BCL9: variants seen among roughly 807,000 people sequenced by gnomAD.
BCL9 encodes the protein B-cell CLL/lymphoma 9 protein.
A neutral mutation model predicts 88.5 loss-of-function variants in BCL9; 25 were observed. The observed-to-expected ratio is 0.28, with a 90% CI of 0.21 to 0.39. BCL9 has a LOEUF of 0.39. Ranked by LOEUF, BCL9 falls within the 10% of genes least tolerant of loss-of-function variation. BCL9 has a pLI of 1.00. For synonymous variants in BCL9, 711 were observed against 673.3 expected (o/e 1.06, Z -0.87); for missense variants, 1,817 against 1,877.8 (o/e 0.97, Z 0.60).
chr1:147,615,726 T>C lies in BCL9; in HGVS notation c.561-77T>C, dbSNP rs587650039. 35 of 1,129,298 alleles carry C rather than the reference T, an allele frequency of 3.1e-5. No homozygotes were observed. In the African/African-American group the frequency reaches 4.7e-4, roughly 15 times the overall value. The allele number at this position is 1,129,298 out of a possible 1,614,324, so 70.0% of individuals were successfully genotyped here. ...TCCTCTCCCTTACAAGTTTATTGTG[T>C]GGTTAAAGTGCTTTGGAATTACAGT... is the stretch of plus-strand genomic sequence containing the variant. On this transcript the variant is annotated intron_variant, in intron 6 of 9. Coordinates refer to ENST00000234739, the MANE Select transcript of BCL9 (RefSeq NM_004326.4).
In BCL9 at chr1:147,624,741, G is replaced by T. The variant is rs781895985; in HGVS notation, c.4063G>T (p.Val1355Leu). The change falls in exon 10 of 10, where the codon GTG becomes TTG. Residue 1355 changes from valine to leucine, a missense_variant. Around this residue, in one of 2 missense-constraint regions of BCL9, gnomAD observed 589 missense variants for 686.2 expected, o/e 0.86. Transcript: ENST00000234739. The surrounding 1 kb of genome is among the most constrained non-coding windows in gnomAD (Gnocchi z 4.4). ...CCTGATGAGCAATCCAGCTGCTGCC[G>T]TGGGCATGATTCCTGGCAAGGATCG... Reference protein sequence around the residue: ...PTLMSNPAAAVGMIPGKDRGP... With the variant: ...PTLMSNPAAALGMIPGKDRGP... The T allele has an allele frequency of 6.2e-7, 1 of 1,614,160 alleles. No homozygotes were observed. Among genetic ancestry groups the T allele is most frequent in the South Asian group, 1.1e-5 (1 of 91,086 alleles).
chr1:147,599,633 G>A (rs1286903068), intron 1 of BCL9, among the ~76,000 whole-genome samples: 4 of 152,212 alleles, frequency 2.6e-5, no homozygotes, highest in Non-Finnish European at 2.9e-5. Context: ...AGGCTCTGGA[G>A]TTGGGGACTA....
chr1:147,610,792 T>G (rs1553202506), intron 3 of BCL9, among the ~76,000 whole-genome samples: 1 of 152,224 alleles, frequency 6.6e-6, no homozygotes, highest in African/African-American at 2.4e-5. Context: ...CTAGCTAGGT[T>G]TGGGAATATT....
In BCL9 at chr1:147,619,763, T is replaced by G; in HGVS notation, c.1608T>G (p.Asp536Glu). 6.2e-7 allele frequency: 1 copy of G among 1,614,018 alleles called. No individual in the cohort carries two copies. Among genetic ancestry groups the G allele is most frequent in the Non-Finnish European group, 8.5e-7 (1 of 1,180,004 alleles). The change falls in exon 8 of 10, where the codon GAT (aspartate) becomes GAG (glutamate). Residue 536 changes from aspartate (D) to glutamate (E), a missense_variant. Around this residue, in one of 2 missense-constraint regions of BCL9, gnomAD observed 1,228 missense variants for 1,191.6 expected, o/e 1.03. Transcript: ENST00000234739. This position sits in a 1 kb window ranked among gnomAD's most constrained non-coding sequence, Gnocchi z 4.1. ...WAPGGTEPFS[D>E]GINMPHSLPP... is the part of the protein sequence containing the mutation. ...CTGGGGGTACAGAGCCATTTTCTGA[T>G]GGTATCAACATGCCACATTCTCTGC...
At chr1:147,571,420 AGAG>A (rs1553197401) in intron 1 of BCL9, among the ~76,000 whole-genome samples, 13 of 152,098 alleles carry the variant, frequency 8.5e-5, no homozygotes, top group Non-Finnish European at 1.2e-4. Context: ...GACATAGGCA[AGAG>A]TGGTTTCAGG....
chr1:147,560,319 G>A (rs587595227), intron 1 of BCL9, among the ~76,000 whole-genome samples: 12 of 152,226 alleles, frequency 7.9e-5, no homozygotes, highest in Admixed American at 7.2e-4. Context: ...GCCGGGCGCG[G>A]TGGCTCACAC....
chr1:147,600,821 G>T (rs1468926205), intron 1 of BCL9, among the ~76,000 whole-genome samples: 1 of 152,006 alleles, frequency 6.6e-6, no homozygotes, highest in Non-Finnish European at 1.5e-5. Context: ...AAGAATGTGT[G>T]AGTAGTTAAG....
chr1:147,619,826 G>A lies in BCL9; in HGVS notation c.1671G>A (p.Gly557=). The A allele has an allele frequency of 6.2e-7, 1 of 1,614,196 alleles. No individual in the cohort carries two copies. The highest frequency in any genetic ancestry group is 8.5e-7 in the Non-Finnish European group (1 of 1,180,038). The change falls in exon 8 of 10, where the codon GGG becomes GGA. Residue 557 remains glycine (G), a synonymous_variant. Transcript: ENST00000234739. The surrounding 1 kb of genome is among the most constrained non-coding windows in gnomAD (Gnocchi z 4.1). ...TGGCTCCCCACCCCAACATGCCAGG[G>A]AGCCAGATGCGCCTCCCTGGATTTG... ...RGMAPHPNMP[G]SQMRLPGFAG...
At chr1:147,569,545 G>A (rs1454286898) in intron 1 of BCL9, among the ~76,000 whole-genome samples, 2 of 151,844 alleles carry the variant, frequency 1.3e-5, no homozygotes, top group Admixed American at 1.3e-4. Context: ...AACTACACAG[G>A]AGGCTGAGGT....
intron 1 of BCL9, among the ~76,000 whole-genome samples, chr1:147,581,748 T>C (rs2101551125): frequency 6.6e-6 from 1 of 152,312 alleles, no homozygotes; most frequent in East Asian, 1.9e-4. Context: ...CTTCCTGTGG[T>C]GATCTTGCAT....
At chr1:147,545,268 C>CG (rs1390283608) in intron 1 of BCL9, among the ~76,000 whole-genome samples, 1 of 152,210 alleles carries the variant, frequency 6.6e-6, no homozygotes, top group Non-Finnish European at 1.5e-5. Flanking sequence ...CTGTGGCCAA[C>CG]GCCTCCTCCT....
At chr1:147,576,165 G>C (rs1362232885) in intron 1 of BCL9, among the ~76,000 whole-genome samples, 1 of 152,036 alleles carries the variant, frequency 6.6e-6, no homozygotes, top group Non-Finnish European at 1.5e-5. Context: ...CAGGGATTAA[G>C]AACCTTAACA....
intron 1 of BCL9, among the ~76,000 whole-genome samples, chr1:147,598,007 C>T (rs1026366822): frequency 1.3e-5 from 2 of 152,192 alleles, no homozygotes; most frequent in Admixed American, 6.5e-5. Flanking sequence ...GTGATCTGGT[C>T]TGGGATTCCC....
intron 1 of BCL9, among the ~76,000 whole-genome samples, chr1:147,579,425 T>C (rs782732931): frequency 6.6e-6 from 1 of 152,310 alleles, no homozygotes; most frequent in East Asian, 1.9e-4. Context: ...TTGACACAGA[T>C]GGTGCTTAAT....
intron 1 of BCL9, among the ~76,000 whole-genome samples, chr1:147,590,112 G>A (rs1019689302): frequency 5.9e-5 from 9 of 152,050 alleles, no homozygotes; most frequent in Non-Finnish European, 1.2e-4. Context: ...TTGCCATCTT[G>A]CCCAAGCTGG....
chr1:147,541,855 C>T (rs1201016622), intron 1 of BCL9, among the ~76,000 whole-genome samples, 181 bp downstream of exon 1: 4 of 151,612 alleles, frequency 2.6e-5, no homozygotes, highest in Non-Finnish European at 4.4e-5. Context: ...TCGAGGGAAC[C>T]CCAGTAACAC....
At position 147,618,946 on chromosome 1, in the gene BCL9, C is replaced by T; in HGVS notation, c.791C>T (p.Ala264Val). 1 of 1,613,988 alleles carries T rather than the reference C, an allele frequency of 6.2e-7. No individual in the cohort carries two copies. Among genetic ancestry groups the T allele is most frequent in the Non-Finnish European group, 8.5e-7 (1 of 1,179,906 alleles). ...LQPTPPIPAP[A>V]PKPAAPPRPL... ...CCAACTCCACCCATTCCGGCACCAG[C>T]ACCCAAGCCTGCCGCACCCCCACGT... The change falls in exon 8 of 10, where the codon GCA becomes GTA. Residue 264 changes from alanine (A) to valine (V), a missense_variant. Ala to Val is a moderately conservative substitution (Grantham distance 64). Transcript: ENST00000234739.
At chr1:147,602,966 C>T (rs1657479023) in intron 1 of BCL9, among the ~76,000 whole-genome samples, 1 of 152,184 alleles carries the variant, frequency 6.6e-6, no homozygotes, top group Non-Finnish European at 1.5e-5. Context: ...TATATTTCTC[C>T]AGTTCTCCCA....
intron 1 of BCL9, among the ~76,000 whole-genome samples, chr1:147,591,286 T>C (rs1386918232): frequency 3.3e-5 from 5 of 152,180 alleles, no homozygotes; most frequent in African/African-American, 1.2e-4. Flanking sequence ...TTCTTCATAA[T>C]TAATTCCCAC....
Sources: allele counts gnomAD v4.1 joint callset (sites outside exome capture counted in the v4.1 genomes callset), GRCh38; gene constraint gnomAD v4.1.1; regional missense constraint gnomAD v4.1.1; non-coding constraint Gnocchi (gnomAD v3.1); transcripts MANE v1.5; gene names NCBI Gene and HGNC (gene_info 2026-07-23, HGNC 2026-07-21).